CDH18: variants seen among roughly 807,000 people sequenced by gnomAD.
The protein encoded by CDH18 is cadherin 18.
CDH18 carries 31 observed loss-of-function variants against 67.9 expected under a neutral mutation model. The ratio of observed to expected loss-of-function variants is 0.46; its 90% CI spans 0.34 to 0.62. The LOEUF (loss-of-function observed/expected upper bound fraction) is 0.62. Among genes scored for constraint, CDH18 ranks in the 20% least tolerant of loss-of-function variants. The pLI, the probability that CDH18 is intolerant of heterozygous loss-of-function variation, is 0.01. For synonymous variants in CDH18, 362 were observed against 347.2 expected (o/e 1.04, Z -0.48); for missense variants, 890 against 975.5 (o/e 0.91, Z 1.17).
At chr5:19,774,808 C>CAAAAAAAAAAAAAAAAAAAAAAAAAAAAA (rs59248561) in intron 3 of CDH18, among the ~76,000 whole-genome samples, 1 of 35,414 alleles carries the variant, frequency 2.8e-5, no homozygotes, top group Non-Finnish European at 5.2e-5. Context: ...GACTCTGTCT[C>CAAAAAAAAAAAAAAAAAAAAAAAAAAAAA]AAAAAAAAAA....
At chr5:19,570,268 G>A (rs1029033293) in intron 8 of CDH18, among the ~76,000 whole-genome samples, 1 of 152,084 alleles carries the variant, frequency 6.6e-6, no homozygotes, top group African/African-American at 2.4e-5. Context: ...GTTAGAGACT[G>A]ATTTCTGTAA....
At chr5:20,089,932 C>G (rs984783122) in intron 2 of CDH18, among the ~76,000 whole-genome samples, 2 of 152,030 alleles carry the variant, frequency 1.3e-5, no homozygotes, top group Admixed American at 6.6e-5. Context: ...CTATTAATAT[C>G]TTCTACAAAC....
At chr5:19,926,992 C>A (rs961667189) in intron 2 of CDH18, among the ~76,000 whole-genome samples, 1 of 151,966 alleles carries the variant, frequency 6.6e-6, no homozygotes. Flanking sequence ...AAAAAATAAG[C>A]GTTAAAGAAT....
At chr5:20,186,585 A>G (rs1043822744) in intron 2 of CDH18, among the ~76,000 whole-genome samples, 5 of 151,988 alleles carry the variant, frequency 3.3e-5, no homozygotes, top group Non-Finnish European at 5.9e-5. Flanking sequence ...TTAGGGAAAT[A>G]ATAACCATGA....
intron 3 of CDH18, among the ~76,000 whole-genome samples, chr5:19,806,697 G>A (rs1778070611): frequency 6.6e-6 from 1 of 152,082 alleles, no homozygotes; most frequent in Admixed American, 6.6e-5. Context: ...TTATGTTAAA[G>A]TAAGCAAACT....
intron 3 of CDH18, among the ~76,000 whole-genome samples, chr5:19,801,660 G>A (rs1323375909): frequency 6.6e-6 from 1 of 152,152 alleles, no homozygotes; most frequent in Non-Finnish European, 1.5e-5. Flanking sequence ...CCAGATCAGA[G>A]CTTTGTTTTT....
At chr5:19,818,751 A>G (rs942485940) in intron 3 of CDH18, among the ~76,000 whole-genome samples, 1 of 152,226 alleles carries the variant, frequency 6.6e-6, no homozygotes, top group Non-Finnish European at 1.5e-5. Context: ...GTATATGCAT[A>G]TCTAAACATA....
chr5:20,488,676 TATATA>T (rs1561056243), intron 1 of CDH18, among the ~76,000 whole-genome samples: 7 of 41,804 alleles, frequency 1.7e-4, no homozygotes, highest in African/African-American at 5.2e-4. Flanking sequence ...TAGTGTTTTA[TATATA>T]TATATATATA....
chr5:19,792,592 T>C (rs1415732564), intron 3 of CDH18, among the ~76,000 whole-genome samples: 1 of 152,146 alleles, frequency 6.6e-6, no homozygotes, highest in East Asian at 1.9e-4. Flanking sequence ...TTGATCCATA[T>C]ATACTTTGGT....
intron 5 of CDH18, among the ~76,000 whole-genome samples, chr5:19,709,144 G>A (rs1324797527): frequency 6.6e-6 from 1 of 151,774 alleles, no homozygotes; most frequent in African/African-American, 2.4e-5. Flanking sequence ...CCCTCAACTG[G>A]CACTTACCAC....
intron 1 of CDH18, among the ~76,000 whole-genome samples, chr5:20,538,951 C>T (rs531742332): frequency 6.8e-4 from 85 of 125,858 alleles, no homozygotes; most frequent in African/African-American, 2.2e-3. Flanking sequence ...TGCAGTGTCA[C>T]GATCTCAGCT....
intron 4 of CDH18, among the ~76,000 whole-genome samples, chr5:19,741,100 A>C (rs1769061539): frequency 6.7e-6 from 1 of 149,232 alleles, no homozygotes; most frequent in Admixed American, 6.8e-5. Flanking sequence ...GTGTATGCGT[A>C]TATATATACT....
chr5:20,575,180 T>C (rs1759047998), intron 1 of CDH18, among the ~76,000 whole-genome samples: 1 of 152,156 alleles, frequency 6.6e-6, no homozygotes, highest in African/African-American at 2.4e-5. Flanking sequence ...TATTATAAAC[T>C]TGGCTTATTT....
chr5:19,847,046 T>A (rs972174775), intron 2 of CDH18, among the ~76,000 whole-genome samples: 10 of 152,232 alleles, frequency 6.6e-5, no homozygotes, highest in African/African-American at 2.4e-4. Flanking sequence ...ACTTTTCTTT[T>A]GTTTCTTTCC....
At chr5:20,185,079 A>G (rs1737985190) in intron 2 of CDH18, among the ~76,000 whole-genome samples, 1 of 152,046 alleles carries the variant, frequency 6.6e-6, no homozygotes, top group African/African-American at 2.4e-5. Flanking sequence ...AATACTAAAA[A>G]ATTTCCAATA....
At chr5:20,156,509 T>G (rs915783754) in intron 2 of CDH18, among the ~76,000 whole-genome samples, 2 of 152,054 alleles carry the variant, frequency 1.3e-5, no homozygotes, top group Admixed American at 1.3e-4. Flanking sequence ...TCACTTAAAG[T>G]GGGAGCTAAA....
intron 2 of CDH18, among the ~76,000 whole-genome samples, chr5:20,201,716 T>G (rs1561872891): frequency 6.6e-6 from 1 of 152,124 alleles, no homozygotes; most frequent in Non-Finnish European, 1.5e-5. Context: ...GTTAAGCAAG[T>G]AAGATGTCCA....
intron 1 of CDH18, among the ~76,000 whole-genome samples, chr5:20,519,330 T>C (rs1036901675): frequency 2.4e-4 from 37 of 152,056 alleles, no homozygotes; most frequent in Non-Finnish European, 4.7e-4. Flanking sequence ...GGGACATGGA[T>C]GAAACTGGAA....
chr5:20,218,542 C>T (rs760754212), intron 2 of CDH18, among the ~76,000 whole-genome samples: 37 of 151,960 alleles, frequency 2.4e-4, no homozygotes, highest in Admixed American at 2.3e-3. Flanking sequence ...TGCTGTGTGT[C>T]CCCACCCAAA....
Sources: allele counts gnomAD v4.1 joint callset (sites outside exome capture counted in the v4.1 genomes callset), GRCh38; gene constraint gnomAD v4.1.1; transcripts MANE v1.5; gene names NCBI Gene and HGNC (gene_info 2026-07-23, HGNC 2026-07-21).